Variants in BATF observed in about 807,000 individuals in gnomAD.
BATF encodes basic leucine zipper ATF-like transcription factor, also known as basic leucine zipper transcriptional factor ATF-like.
BATF carries 5 observed loss-of-function variants against 13.7 expected under a neutral mutation model. The observed-to-expected ratio is 0.36, with a 90% CI of 0.19 to 0.77. The LOEUF is 0.77. Ranked by LOEUF, BATF falls within the 30% of genes least tolerant of loss-of-function variation. BATF has a pLI of 0.51. For missense variants in BATF, 124 were observed against 163.0 expected, an observed-to-expected ratio of 0.76 and a Z score of 1.30; for synonymous variants, 72 against 67.5, an observed-to-expected ratio of 1.07 and a Z score of -0.33.
intron 2 of BATF, among the ~76,000 whole-genome samples, chr14:75,543,377 T>C (rs1887929100): frequency 1.3e-5 from 2 of 152,166 alleles, no homozygotes; most frequent in South Asian, 2.1e-4. Flanking sequence ...AGGCTGAGCA[T>C]GCTTGTGTCT....
Position 75,523,064 on chromosome 14 carries a change from A to T in BATF, c.63+319A>T, listed in dbSNP as rs143259713. Among the ~76,000 whole-genome samples the T allele has an allele frequency of 7.2e-5, 11 of 152,276 alleles. No homozygotes were observed. In the East Asian group the frequency reaches 1.9e-3, roughly 27 times the overall value. On this transcript the variant is annotated intron_variant, in intron 1 of 2. Coordinates refer to ENST00000286639, the MANE Select transcript of BATF (RefSeq NM_006399.5). ...AGGATGAACATCAAAGAATGCAGAG[A>T]AAAGAGTCTACTGTTCTCCAAGGCT...
intron 2 of BATF, among the ~76,000 whole-genome samples, chr14:75,545,290 C>T (rs1887964122): frequency 6.6e-6 from 1 of 151,708 alleles, no homozygotes; most frequent in South Asian, 2.1e-4. Context: ...GGCATGATCT[C>T]GGCTCACTGC....
At chr14:75,541,556 G>A (rs1887896690) in intron 2 of BATF, among the ~76,000 whole-genome samples, 1 of 152,224 alleles carries the variant, frequency 6.6e-6, no homozygotes, top group African/African-American at 2.4e-5. Flanking sequence ...AAGAATGTGA[G>A]TGACTCAGGG....
chr14:75,531,025 T>A (rs1266020006), intron 2 of BATF, among the ~76,000 whole-genome samples: 1 of 152,218 alleles, frequency 6.6e-6, no homozygotes. Context: ...AATATAGATA[T>A]CAAAATTCTC....
intron 2 of BATF, among the ~76,000 whole-genome samples, chr14:75,544,061 T>TTGAGCCAGGCATTG (rs1887945039): frequency 5.9e-5 from 9 of 152,266 alleles, no homozygotes; most frequent in Admixed American, 5.2e-4. Context: ...TCTGAGTTCA[T>TTGAGCCAGGCATTG]ACTATGTGCC....
chr14:75,525,461 G>C (rs180778150), intron 2 of BATF, among the ~76,000 whole-genome samples: 282 of 151,934 alleles, frequency 1.9e-3, no homozygotes, highest in African/African-American at 6.3e-3. Flanking sequence ...TCAGGAGTTC[G>C]AGACCAGCCT....
At chr14:75,533,586 G>A (rs920968955) in intron 2 of BATF, among the ~76,000 whole-genome samples, 1 of 152,102 alleles carries the variant, frequency 6.6e-6, no homozygotes, top group African/African-American at 2.4e-5. Context: ...TCCCCAGAGT[G>A]CCCTTGTGCA....
At chr14:75,534,589 ACACATGGAAAGTTGTTCTTTCTC>A (rs1165080782) in intron 2 of BATF, among the ~76,000 whole-genome samples, 1 of 152,240 alleles carries the variant, frequency 6.6e-6, no homozygotes, top group Non-Finnish European at 1.5e-5. Flanking sequence ...AAGGAGAAAG[ACACATGGAAAGTTGTTCTTTCTC>A]CTTAATACTT....
At chr14:75,526,989 G>A (rs1248802560) in intron 2 of BATF, among the ~76,000 whole-genome samples, 3 of 152,232 alleles carry the variant, frequency 2.0e-5, no homozygotes, top group Non-Finnish European at 4.4e-5. Flanking sequence ...TAAGTGGAAT[G>A]TAAGTATAGT....
chr14:75,522,600 G>T lies in BATF; in HGVS notation c.-83G>T. ...GGGGTGGTGGGCTGGTGGCCCAGGA[G>T]AAGTCAGGAAGGGAGCCCAGCTGGT... On this transcript the variant is annotated 5_prime_UTR_variant, in exon 1 of 3. Coordinates refer to ENST00000286639, the MANE Select transcript of BATF (RefSeq NM_006399.5). 6.5e-7 allele frequency: 1 copy of T among 1,537,198 alleles called. No individual in the cohort carries two copies. Among genetic ancestry groups the T allele is most frequent in the East Asian group, 2.3e-5 (1 of 44,334 alleles).
chr14:75,542,398 T>C (rs1267902647), intron 2 of BATF, among the ~76,000 whole-genome samples: 1 of 152,106 alleles, frequency 6.6e-6, no homozygotes, highest in Non-Finnish European at 1.5e-5. Context: ...GCAGAAGACA[T>C]GCATATGGGA....
At chr14:75,525,730 C>A (rs1430427499) in intron 2 of BATF, among the ~76,000 whole-genome samples, 1 of 151,008 alleles carries the variant, frequency 6.6e-6, no homozygotes, top group Non-Finnish European at 1.5e-5. Context: ...GAGAAATGGG[C>A]CTTTCTACCC....
chr14:75,539,958 T>C (rs1887872832), intron 2 of BATF, among the ~76,000 whole-genome samples: 1 of 152,014 alleles, frequency 6.6e-6, no homozygotes, highest in South Asian at 2.1e-4. Flanking sequence ...AGCCTGAACA[T>C]ATATCTGGGT....
intron 2 of BATF, among the ~76,000 whole-genome samples, chr14:75,529,615 T>C (rs1887703517): frequency 6.6e-6 from 1 of 152,128 alleles, no homozygotes; most frequent in Admixed American, 6.5e-5. Flanking sequence ...TCATAAAAAG[T>C]AAAAGTTTCT....
intron 2 of BATF, among the ~76,000 whole-genome samples, chr14:75,527,578 C>T (rs1019061505): frequency 5.3e-5 from 8 of 152,206 alleles, no homozygotes; most frequent in African/African-American, 1.9e-4. Context: ...CTCTTTGCTG[C>T]GGCAAGGCTT....
At chr14:75,544,543 T>G (rs3115526) in intron 2 of BATF, among the ~76,000 whole-genome samples, 145,087 of 145,108 alleles carry the variant, frequency 1, 72,533 homozygotes, top group South Asian at 1. Flanking sequence ...CCAGCCTGGG[T>G]GACAGAGTGA....
At chr14:75,543,264 C>T (rs1012445675) in intron 2 of BATF, among the ~76,000 whole-genome samples, 2 of 152,338 alleles carry the variant, frequency 1.3e-5, no homozygotes, top group African/African-American at 4.8e-5. Flanking sequence ...ACTCCATCAT[C>T]GTGGCTCTTG....
intron 1 of BATF, among the ~76,000 whole-genome samples, chr14:75,524,162 G>A (rs2140033247): frequency 6.6e-6 from 1 of 152,322 alleles, no homozygotes. Context: ...CTACACTGCA[G>A]CATCTGGGAG....
At chr14:75,538,522 T>C (rs1215797007) in intron 2 of BATF, among the ~76,000 whole-genome samples, 6 of 152,008 alleles carry the variant, frequency 3.9e-5, no homozygotes, top group African/African-American at 1.4e-4. Context: ...ATGTGTGGAG[T>C]GAGCAGAATG....
Sources: gnomAD v4.1 joint callset for allele counts (sites outside exome capture counted in the v4.1 genomes callset) on GRCh38, gnomAD v4.1.1 for gene constraint, MANE v1.5 for transcripts, NCBI Gene and HGNC (gene_info 2026-07-23, HGNC 2026-07-21) for gene names.